The following BABAM2 variants were observed in gnomAD, a reference collection of about 807,000 sequenced individuals.
BABAM2 encodes the protein BRISC and BRCA1-A complex member 2.
A neutral mutation model predicts 54.7 loss-of-function variants in BABAM2; 31 were observed. The observed-to-expected ratio is 0.57, with a 90% CI of 0.43 to 0.77. The LOEUF (loss-of-function observed/expected upper bound fraction) is 0.77. Among genes scored for constraint, BABAM2 ranks in the 30% least tolerant of loss-of-function variants. The pLI, the probability that BABAM2 is intolerant of heterozygous loss-of-function variation, is 0.00. For synonymous variants in BABAM2, 167 were observed against 162.9 expected (o/e 1.03, Z -0.19); for missense variants, 364 against 455.8 (o/e 0.80, Z 1.83).
chr2:28,210,476 T>C (rs1679346123), intron 7 of BABAM2, among the ~76,000 whole-genome samples: 1 of 152,204 alleles, frequency 6.6e-6, no homozygotes, highest in African/African-American at 2.4e-5. Context: ...ATGGTTGAGC[T>C]AAGTATTAAA....
intron 11 of BABAM2, among the ~76,000 whole-genome samples, chr2:28,300,821 A>C (rs1688045803): frequency 6.6e-6 from 1 of 152,230 alleles, no homozygotes; most frequent in Non-Finnish European, 1.5e-5. Flanking sequence ...CAGTCTAAAG[A>C]AAACATCTGA....
chr2:28,067,085 C>T (rs1432572281), intron 6 of BABAM2, among the ~76,000 whole-genome samples: 1 of 152,178 alleles, frequency 6.6e-6, no homozygotes, highest in Non-Finnish European at 1.5e-5. Context: ...GCATGTGCCA[C>T]CACGCCCGGC....
intron 5 of BABAM2, among the ~76,000 whole-genome samples, chr2:28,043,215 G>T (rs1159898650): frequency 6.7e-6 from 1 of 148,966 alleles, no homozygotes; most frequent in Non-Finnish European, 1.5e-5. Flanking sequence ...TGCAACCTCC[G>T]CCTCCTCCTG....
chr2:28,332,176 G>A (rs566706776), intron 11 of BABAM2, among the ~76,000 whole-genome samples: 5 of 152,310 alleles, frequency 3.3e-5, no homozygotes, highest in Admixed American at 2.0e-4. Context: ...GGGGCATCAG[G>A]ATAAATAGCT....
chr2:28,200,379 A>G (rs1678131915), intron 7 of BABAM2, among the ~76,000 whole-genome samples: 1 of 152,228 alleles, frequency 6.6e-6, no homozygotes, highest in Non-Finnish European at 1.5e-5. Context: ...AGAGAAGTGA[A>G]TGAAATATAA....
intron 3 of BABAM2, among the ~76,000 whole-genome samples, chr2:27,949,571 G>A (rs557096058): frequency 2.2e-4 from 33 of 152,140 alleles, no homozygotes; most frequent in Non-Finnish European, 3.7e-4. Context: ...TCGAAGACAG[G>A]GCATCCAGTG....
chr2:28,279,404 A>G (rs1280664436), intron 10 of BABAM2, among the ~76,000 whole-genome samples: 1 of 152,154 alleles, frequency 6.6e-6, no homozygotes, highest in East Asian at 1.9e-4. Context: ...CTAAATAAAA[A>G]TGGCACAGTA....
intron 4 of BABAM2, among the ~76,000 whole-genome samples, chr2:28,014,123 C>T (rs1221099694): frequency 6.6e-6 from 1 of 152,096 alleles, no homozygotes; most frequent in African/African-American, 2.4e-5. Context: ...ATTACTGATT[C>T]CACTTAGCAG....
chr2:27,904,246 G>C (rs1666034418), intron 2 of BABAM2, among the ~76,000 whole-genome samples: 1 of 152,172 alleles, frequency 6.6e-6, no homozygotes, highest in Non-Finnish European at 1.5e-5. Context: ...CTTGACCAAG[G>C]GTCAGGGTAG....
Position 28,304,067 on chromosome 2 carries a change from T to C in BABAM2, c.1088+5576T>C, listed in dbSNP as rs1460830039. Among the ~76,000 whole-genome samples the C allele has an allele frequency of 6.6e-6, 1 of 152,012 alleles. No homozygotes were observed. The highest frequency in any genetic ancestry group is 1.5e-5 in the Non-Finnish European group (1 of 68,008). On this transcript the variant is annotated intron_variant, in intron 11 of 11. Coordinates refer to ENST00000379624, the MANE Select transcript of BABAM2 (RefSeq NM_199191.3). The surrounding 1 kb of genome is among the most constrained non-coding windows in gnomAD (Gnocchi z 4.0). ...AGCTAATTTTTGTATTTTTATTTAT[T>C]TTTTTGAGACAAAGTTTTGCTTTTA... is the stretch of plus-strand genomic sequence containing the variant.
At position 28,024,278 on chromosome 2, in the gene BABAM2, C is replaced by T. The variant is rs565049171; in HGVS notation, c.301-948C>T. Among the ~76,000 whole-genome samples, 11 of 152,048 alleles carry T rather than the reference C, an allele frequency of 7.2e-5. No individual in the cohort carries two copies. In the South Asian group the frequency reaches 1.5e-3, roughly 20 times the overall value. ...AAAATTAGCCGGGCCTGGTGGCGGG[C>T]GCCTGTAGTCCCAGCTACTCGGGAG... On this transcript the variant is annotated intron_variant, in intron 4 of 11. Transcript: ENST00000379624.
intron 1 of BABAM2, among the ~76,000 whole-genome samples, chr2:27,893,175 G>A (rs1213944433): frequency 2.0e-5 from 3 of 152,126 alleles, no homozygotes; most frequent in African/African-American, 7.2e-5. Context: ...ATTGAGGAAG[G>A]AAACGATCAT....
At chr2:28,075,567 T>C (rs1187468921) in intron 6 of BABAM2, among the ~76,000 whole-genome samples, 1 of 152,038 alleles carries the variant, frequency 6.6e-6, no homozygotes, top group African/African-American at 2.4e-5. Context: ...CATGTGTGTG[T>C]GTGTGTGTGT....
intron 2 of BABAM2, among the ~76,000 whole-genome samples, chr2:27,920,553 G>A (rs1667276236): frequency 6.6e-6 from 1 of 152,016 alleles, no homozygotes; most frequent in African/African-American, 2.4e-5. Context: ...TTTTTTAAAA[G>A]GTGGTTATTG....
chr2:28,123,301 A>T (rs999580399), intron 6 of BABAM2, among the ~76,000 whole-genome samples: 2 of 152,178 alleles, frequency 1.3e-5, no homozygotes, highest in African/African-American at 2.4e-5. Context: ...ATCTCACCAG[A>T]ATATCATGGC....
chr2:28,045,953 C>T (rs1417950601), intron 6 of BABAM2, among the ~76,000 whole-genome samples, 154 bp downstream of exon 6: 2 of 152,070 alleles, frequency 1.3e-5, no homozygotes, highest in Non-Finnish European at 2.9e-5. Context: ...AGCTGTTTTG[C>T]TGCCTAAAAG....
intron 3 of BABAM2, among the ~76,000 whole-genome samples, chr2:27,947,721 A>G (rs1669406415): frequency 6.6e-6 from 1 of 152,078 alleles, no homozygotes; most frequent in South Asian, 2.1e-4. Flanking sequence ...GTTTTCTTTT[A>G]AATGTTTTAT....
At chr2:28,241,258 A>C (rs1004092544) in intron 8 of BABAM2, 65 bp from the exon 9 acceptor site, 45 of 1,480,658 alleles carry the variant, frequency 3.0e-5, no homozygotes, top group Non-Finnish European at 4.0e-5. Flanking sequence ...AATCTTTGAA[A>C]TTTCTTATAA....
intron 6 of BABAM2, among the ~76,000 whole-genome samples, chr2:28,065,235 C>T (rs753778987): frequency 6.6e-6 from 1 of 152,188 alleles, no homozygotes; most frequent in Non-Finnish European, 1.5e-5. Context: ...CACCTCTTCT[C>T]ACTTGAAAAT....
Sources: gnomAD v4.1 joint callset for allele counts (sites outside exome capture counted in the v4.1 genomes callset) on GRCh38, gnomAD v4.1.1 for gene constraint, Gnocchi (gnomAD v3.1) non-coding constraint, MANE v1.5 for transcripts, NCBI Gene and HGNC (gene_info 2026-07-23, HGNC 2026-07-21) for gene names.